The following CRY2 variants were observed in gnomAD, a reference collection of about 807,000 sequenced individuals.
The protein encoded by CRY2 is cryptochrome-2.
CRY2 carries 31 observed loss-of-function variants against 69.5 expected under a neutral mutation model. That is an observed-to-expected ratio of 0.45 (90% CI 0.34 to 0.60). The LOEUF (loss-of-function observed/expected upper bound fraction) is 0.60, where lower values mean the gene tolerates loss of function less well. Ranked by LOEUF, CRY2 falls within the 20% of genes least tolerant of loss-of-function variation. The pLI, the probability that CRY2 is intolerant of heterozygous loss-of-function variation, is 0.02. For synonymous variants in CRY2, 303 were observed against 312.2 expected (o/e 0.97, Z 0.31); for missense variants, 606 against 797.8 (o/e 0.76, Z 2.90).
chr11:45,874,044 G>T (rs1321879367), intron 11 of CRY2, among the ~76,000 whole-genome samples: 1 of 152,198 alleles, frequency 6.6e-6, no homozygotes, highest in Non-Finnish European at 1.5e-5. Flanking sequence ...CACTTTGGGA[G>T]GCCGAGGTGG....
At chr11:45,859,403 A>G (rs866438036) in intron 3 of CRY2, among the ~76,000 whole-genome samples, 1 of 152,074 alleles carries the variant, frequency 6.6e-6, no homozygotes, top group South Asian at 2.1e-4. Context: ...CTCTACTAAA[A>G]ATAAATATAT....
At chr11:45,864,144 A>G (rs2086311051) in intron 5 of CRY2, among the ~76,000 whole-genome samples, 1 of 152,158 alleles carries the variant, frequency 6.6e-6, no homozygotes, top group African/African-American at 2.4e-5. Context: ...CTAGCCACCA[A>G]TGTGCAGGTG....
intron 1 of CRY2, among the ~76,000 whole-genome samples, chr11:45,850,685 G>T (rs1282462889): frequency 6.6e-6 from 1 of 152,106 alleles, no homozygotes; most frequent in Non-Finnish European, 1.5e-5. Flanking sequence ...TCCAAGAGTG[G>T]TCTAAGAGAA....
rs1043746 is a variant in CRY2 at position 45,883,193 on chromosome 11, A to C, written c.*2282A>C. 9 of 155,724 alleles carry C rather than the reference A, an allele frequency of 5.8e-5. No homozygotes were observed. In the South Asian group the frequency reaches 1.6e-3, roughly 29 times the overall value. 9.6% of individuals were successfully genotyped at this position (155,724 alleles called of 1,614,324 possible). A position where few individuals can be genotyped will look rare whatever the true frequency, so the allele number is the denominator to read the frequency against. The stretch of plus-strand genomic sequence containing the variant: ...ATTGCTGGGAAGGTGTGTTTCTCCC[A>C]CAATTTGTTTGTGAATATTCACTTG... On this transcript the variant is annotated 3_prime_UTR_variant, in exon 12 of 12. Coordinates refer to ENST00000616080, the MANE Select transcript of CRY2 (RefSeq NM_021117.5).
chr11:45,878,921 A>T (rs1370302572), intron 11 of CRY2, among the ~76,000 whole-genome samples: 9 of 40,284 alleles, frequency 2.2e-4, no homozygotes, highest in African/African-American at 5.6e-4. Flanking sequence ...TCCATCTATT[A>T]AAAAAAAAAA....
In CRY2 at chr11:45,867,744, T is replaced by C. The variant is rs1217603220; in HGVS notation, c.874T>C (p.Tyr292His). Residue 292 changes from tyrosine (Y) to histidine (H), a missense_variant, in exon 6 of 12, where the codon TAT becomes CAT. Tyr to His is a moderately conservative substitution (Grantham distance 83). Coordinates refer to ENST00000616080, the MANE Select transcript of CRY2 (RefSeq NM_021117.5). ...RLFYYRLWDL[Y>H]KKVKRNSTPP... ...CTTCTACTACCGCCTGTGGGACCTG[T>C]ATAAAAAGGTAAGGGGGACATACCT... 1.2e-6 allele frequency: 2 copies of C among 1,613,960 alleles called. No homozygotes were observed. The highest frequency in any genetic ancestry group is 2.7e-5 in the African/African-American group (2 of 74,868).
At chr11:45,872,840 T>G (rs1204661049) in intron 11 of CRY2, among the ~76,000 whole-genome samples, 1 of 152,192 alleles carries the variant, frequency 6.6e-6, no homozygotes, top group Non-Finnish European at 1.5e-5. Context: ...TTGCAGGGTC[T>G]GAGGCTGCTC....
chr11:45,858,046 A>G (rs756455970), intron 2 of CRY2, among the ~76,000 whole-genome samples: 13 of 152,318 alleles, frequency 8.5e-5, no homozygotes, highest in Middle Eastern at 3.4e-3. Context: ...TGACTGTACA[A>G]CCATTCACTG....
At chr11:45,870,966 C>T (rs758891571) in intron 10 of CRY2, 32 bp downstream of exon 10, 4 of 1,561,464 alleles carry the variant, frequency 2.6e-6, no homozygotes, top group South Asian at 1.1e-5. Context: ...CCTGTGGCCT[C>T]CTGTGGCCTG....
At chr11:45,870,578 A>T (rs376611002) in intron 9 of CRY2, 46 bp downstream of exon 9, 1 of 1,601,544 alleles carries the variant, frequency 6.2e-7, no homozygotes, top group Non-Finnish European at 8.5e-7. Context: ...GACAGCACCT[A>T]CAGGCTCAGG....
At chr11:45,870,793 C>T in intron 9 of CRY2, 49 bp from the exon 10 acceptor site, 1 of 1,516,586 alleles carries the variant, frequency 6.6e-7, no homozygotes, top group African/African-American at 1.4e-5. Flanking sequence ...CTGTAGCCCT[C>T]TGCAATCCTG....
At chr11:45,869,194 T>C (rs564563823) in intron 6 of CRY2, among the ~76,000 whole-genome samples, 2 of 152,348 alleles carry the variant, frequency 1.3e-5, no homozygotes, top group South Asian at 2.1e-4. Flanking sequence ...AACAGGGAAC[T>C]CTTGAGGACA....
chr11:45,859,584 C>T (rs542207307), intron 3 of CRY2, among the ~76,000 whole-genome samples: 1 of 151,936 alleles, frequency 6.6e-6, no homozygotes, highest in South Asian at 2.1e-4. Context: ...AAAAGAGTTC[C>T]CAGGTTCTAT....
intron 3 of CRY2, 144 bp from the exon 4 acceptor site, chr11:45,860,704 T>G (rs993793631): frequency 7.1e-6 from 6 of 844,654 alleles, no homozygotes; most frequent in African/African-American, 3.4e-5. Flanking sequence ...CCTTGCCCCC[T>G]CCTTTCCACT....
At chr11:45,861,155 T>C in intron 4 of CRY2, 123 bp downstream of exon 4, 1 of 1,085,244 alleles carries the variant, frequency 9.2e-7, no homozygotes, top group Non-Finnish European at 1.3e-6. Context: ...AAAATGGAAA[T>C]GGCAGTCACT....
Position 45,882,447 on chromosome 11 carries a change from C to T in CRY2, c.*1536C>T. Reference sequence around the variant, plus strand: ...TTCTTTTGGCCCCAGCCCTGTCCCTCACTGTCCTCTGTCCTTGGACCAGAA... The same window carrying T: ...TTCTTTTGGCCCCAGCCCTGTCCCTTACTGTCCTCTGTCCTTGGACCAGAA... On this transcript the variant is annotated 3_prime_UTR_variant, in exon 12 of 12. Coordinates refer to ENST00000616080, the MANE Select transcript of CRY2 (RefSeq NM_021117.5). 1 of 397,146 alleles carries T rather than the reference C, an allele frequency of 2.5e-6. No individual in the cohort carries two copies. Among genetic ancestry groups the T allele is most frequent in the East Asian group, 3.6e-5 (1 of 28,012 alleles). The allele number at this position is 397,146 out of a possible 1,614,324, so 24.6% of individuals were successfully genotyped here.
chr11:45,858,675 A>G (rs886188721), intron 2 of CRY2, 56 bp from the exon 3 acceptor site: 5 of 1,559,756 alleles, frequency 3.2e-6, no homozygotes, highest in South Asian at 2.4e-5. Context: ...CTGAGAGTCC[A>G]GCTTCCCCCT....
At chr11:45,861,341 T>G in intron 4 of CRY2, 1 of 267,634 alleles carries the variant, frequency 3.7e-6, no homozygotes, top group Non-Finnish European at 7.1e-6. Context: ...GTCCATGGGC[T>G]TCTCAGTAAC....
chr11:45,861,818 G>A (rs2086290164), intron 4 of CRY2: 1 of 481,090 alleles, frequency 2.1e-6, no homozygotes, highest in Non-Finnish European at 3.7e-6. Context: ...AAGGCAGGAG[G>A]TCCGGGATTG....
Sources: gnomAD v4.1 joint callset for allele counts (sites outside exome capture counted in the v4.1 genomes callset) on GRCh38, gnomAD v4.1.1 for gene constraint, MANE v1.5 for transcripts, NCBI Gene and HGNC (gene_info 2026-07-23, HGNC 2026-07-21) for gene names.